SLC2A14: variants seen among roughly 807,000 people sequenced by gnomAD.
The protein encoded by SLC2A14 is solute carrier family 2, facilitated glucose transporter member 14.
A neutral mutation model predicts 43.0 loss-of-function variants in SLC2A14; 13 were observed. That is an observed-to-expected ratio of 0.30 (90% confidence interval 0.20 to 0.48). The LOEUF is 0.48. Ranked by LOEUF, SLC2A14 falls within the 20% of genes least tolerant of loss-of-function variation. SLC2A14 has a pLI of 0.99. For missense variants in SLC2A14, 428 were observed against 620.4 expected, an observed-to-expected ratio of 0.69 and a Z score of 3.29; for synonymous variants, 190 against 233.8, an observed-to-expected ratio of 0.81 and a Z score of 1.71.
At chr12:7,845,653 C>T (rs1320159832) in intron 2 of SLC2A14, among the ~76,000 whole-genome samples, 1 of 151,836 alleles carries the variant, frequency 6.6e-6, no homozygotes, top group Non-Finnish European at 1.5e-5. Flanking sequence ...GTGGCAGGCG[C>T]CTGTAGTCCC....
intron 4 of SLC2A14, 157 bp downstream of exon 4, chr12:7,831,447 G>A: frequency 9.2e-7 from 1 of 1,090,058 alleles, no homozygotes; most frequent in Non-Finnish European, 1.3e-6. Flanking sequence ...CTCCAAGCAA[G>A]GGCAGTCATA....
At chr12:7,851,011 T>C (rs1184606103) in intron 2 of SLC2A14, among the ~76,000 whole-genome samples, 1 of 152,188 alleles carries the variant, frequency 6.6e-6, no homozygotes, top group African/African-American at 2.4e-5. Context: ...CCAATTTGGT[T>C]GCTTCAGAGG....
upstream of SLC2A14, among the ~76,000 whole-genome samples, chr12:7,874,799 A>ACATATTTATATATAAATT (rs200733431): frequency 2.5e-4 from 25 of 100,306 alleles, 1 homozygote; most frequent in South Asian, 5.9e-4. Flanking sequence ...ATATATAAAT[A>ACATATTTATATATAAATT]ATATATAAAT....
intron 1 of SLC2A14, among the ~76,000 whole-genome samples, chr12:7,886,380 T>G (rs1316782357): frequency 1.0e-5 from 1 of 97,846 alleles, no homozygotes; most frequent in Non-Finnish European, 2.2e-5. Context: ...ATTTATTTAT[T>G]TATTTATTTT....
At chr12:7,864,346 T>C (rs954118155) in intron 2 of SLC2A14, among the ~76,000 whole-genome samples, 9 of 152,026 alleles carry the variant, frequency 5.9e-5, no homozygotes, top group African/African-American at 2.2e-4. Context: ...GTTGTTGTTG[T>C]TATTGTTGTT....
chr12:7,828,231 C>T lies in SLC2A14; in HGVS notation c.676+473G>A, dbSNP rs780991589. Among the ~76,000 whole-genome samples, 114 of 151,968 alleles carry T rather than the reference C, an allele frequency of 7.5e-4. 3 individuals carry two copies. The Middle Eastern group carries it at 0.031, about 41-fold the overall frequency. On this transcript the variant is annotated intron_variant, in intron 6 of 10. Transcript: ENST00000431042. ...ACAAAAACATTAGCTGGCGTGGTGT[C>T]GCGCGCACCTGTAGTCCCAGCTACT...
At chr12:7,817,704 G>A in intron 10 of SLC2A14, 127 bp downstream of exon 10, 1 of 1,149,572 alleles carries the variant, frequency 8.7e-7, no homozygotes, top group South Asian at 1.8e-5. Context: ...GCTGAGATCG[G>A]GCAACTGCAC....
At chr12:7,854,395 C>T (rs1209622636) in intron 2 of SLC2A14, among the ~76,000 whole-genome samples, 3 of 152,146 alleles carry the variant, frequency 2.0e-5, no homozygotes, top group Non-Finnish European at 4.4e-5. Context: ...TCTGCTACAC[C>T]ATACTTGTCA....
At chr12:7,887,926 T>C (rs182413041) in intron 1 of SLC2A14, among the ~76,000 whole-genome samples, 19 of 152,268 alleles carry the variant, frequency 1.2e-4, no homozygotes, top group Non-Finnish European at 2.5e-4. Context: ...TCATTCAGAG[T>C]CACGAGTCAA....
intron 9 of SLC2A14, among the ~76,000 whole-genome samples, 174 bp downstream of exon 9, chr12:7,819,308 T>C (rs560831398): frequency 6.6e-5 from 10 of 152,196 alleles, no homozygotes; most frequent in Non-Finnish European, 1.5e-4. Context: ...ATTCTAACAG[T>C]TTACCTCCAG....
At chr12:7,869,083 G>T (rs1945084377) in intron 2 of SLC2A14, among the ~76,000 whole-genome samples, 1 of 151,764 alleles carries the variant, frequency 6.6e-6, no homozygotes. Flanking sequence ...GGCGGAGGTT[G>T]CGGTGAGCCG....
chr12:7,882,116 A>G (rs1426619307), intron 1 of SLC2A14, among the ~76,000 whole-genome samples: 2 of 151,962 alleles, frequency 1.3e-5, no homozygotes, highest in East Asian at 1.9e-4. Flanking sequence ...TCTTTGCAAT[A>G]AGTCTTGTTG....
chr12:7,826,979 CTCTCCTT>C (rs1432499750), intron 7 of SLC2A14, among the ~76,000 whole-genome samples: 576 of 10,488 alleles, frequency 0.055, 30 homozygotes, highest in Middle Eastern at 0.14. Flanking sequence ...CTCTCTCTTT[CTCTCCTT>C]TCTCTCTTTC....
intron 2 of SLC2A14, among the ~76,000 whole-genome samples, chr12:7,854,679 G>A (rs12302198): frequency 0.018 from 2,770 of 151,380 alleles, 93 homozygotes; most frequent in African/African-American, 0.061. Context: ...CACCACACCC[G>A]GCTAATTTTG....
At chr12:7,873,492 A>C, upstream of SLC2A14, 10 of 329,604 alleles carry the variant, frequency 3.0e-5, no homozygotes, top group South Asian at 1.2e-4. Flanking sequence ...AAATAACAAA[A>C]TTAGGGGGCT....
chr12:7,839,156 T>G (rs1449482015), intron 2 of SLC2A14, among the ~76,000 whole-genome samples: 1 of 146,296 alleles, frequency 6.8e-6, no homozygotes, highest in African/African-American at 2.5e-5. Context: ...TGTCAAGTAA[T>G]AAGGGAGCAT....
intron 1 of SLC2A14, among the ~76,000 whole-genome samples, chr12:7,883,779 T>C (rs1945637184): frequency 6.7e-6 from 1 of 149,032 alleles, no homozygotes; most frequent in Admixed American, 6.8e-5. Context: ...GAGACAAGGT[T>C]TCACCATGTT....
intron 2 of SLC2A14, among the ~76,000 whole-genome samples, chr12:7,865,492 G>A (rs866918828): frequency 1.1e-4 from 16 of 151,882 alleles, no homozygotes; most frequent in Middle Eastern, 6.8e-3. Context: ...AGCCGAGATC[G>A]TGCCACTGCA....
At chr12:7,833,726 G>A (rs1001092315) in intron 2 of SLC2A14, among the ~76,000 whole-genome samples, 1 of 151,368 alleles carries the variant, frequency 6.6e-6, no homozygotes, top group African/African-American at 2.4e-5. Flanking sequence ...AGGTTGCAGT[G>A]AGCCGAGACC....
Sources: gnomAD v4.1 joint callset for allele counts (sites outside exome capture counted in the v4.1 genomes callset) on GRCh38, gnomAD v4.1.1 for gene constraint, MANE v1.5 for transcripts, NCBI Gene and HGNC (gene_info 2026-07-23, HGNC 2026-07-21) for gene names.